CLMP: variants seen among roughly 807,000 people sequenced by gnomAD.
CLMP encodes CXADR like cell adhesion molecule.
Under a neutral mutation model 45.2 loss-of-function variants are expected in CLMP, and 27 were observed. That is an observed-to-expected ratio of 0.60 (90% confidence interval 0.44 to 0.82). The LOEUF (loss-of-function observed/expected upper bound fraction) is 0.82, where lower values mean the gene tolerates loss of function less well. Ranked by LOEUF, CLMP falls within the 40% of genes least tolerant of loss-of-function variation. The pLI is 0.00. For synonymous variants in CLMP, 167 were observed against 171.4 expected, an observed-to-expected ratio of 0.97 and a Z score of 0.20; for missense variants, 403 against 448.4, an observed-to-expected ratio of 0.90 and a Z score of 0.91.
intron 1 of CLMP, among the ~76,000 whole-genome samples, chr11:123,175,274 AG>A (rs1397664117): frequency 6.6e-6 from 1 of 152,176 alleles, no homozygotes; most frequent in African/African-American, 2.4e-5. Context: ...TCACGGTGGA[AG>A]GGGAAGCAGA....
chr11:123,177,533 C>G (rs1861715277), intron 1 of CLMP, among the ~76,000 whole-genome samples: 1 of 152,118 alleles, frequency 6.6e-6, no homozygotes, highest in South Asian at 2.1e-4. Flanking sequence ...CTGAAGAAGC[C>G]AAACAGGGCT....
chr11:123,190,146 T>A (rs1861889625), intron 1 of CLMP, among the ~76,000 whole-genome samples: 1 of 152,126 alleles, frequency 6.6e-6, no homozygotes, highest in Middle Eastern at 3.2e-3. Flanking sequence ...TTTTGGTGAG[T>A]ATTTCAGTTA....
intron 1 of CLMP, among the ~76,000 whole-genome samples, chr11:123,161,286 CT>C (rs1861484076): frequency 1.3e-5 from 2 of 152,122 alleles, no homozygotes; most frequent in Non-Finnish European, 2.9e-5. Flanking sequence ...ATAATTTAAC[CT>C]GTTAAATATG....
At chr11:123,115,328 T>A (rs1372502544) in intron 1 of CLMP, among the ~76,000 whole-genome samples, 1 of 152,142 alleles carries the variant, frequency 6.6e-6, no homozygotes, top group Non-Finnish European at 1.5e-5. Flanking sequence ...ATTACAGGTG[T>A]GAGCCACTGC....
chr11:123,088,456 C>T lies in CLMP; in HGVS notation c.187-3743G>A, dbSNP rs529835369. 4.6e-5 allele frequency among the ~76,000 whole-genome samples: 7 copies of T among 152,264 alleles called. No homozygotes were observed. The South Asian group carries it at 1.0e-3, about 23-fold the overall frequency. ...GATTTGTCCATATTTCCCCCAGATG[C>T]ATAATCACCTACAATGAAGTCAGTT... On this transcript the variant is annotated intron_variant, in intron 2 of 6. Transcript: ENST00000448775.
At chr11:123,183,162 G>C (rs1419320615) in intron 1 of CLMP, among the ~76,000 whole-genome samples, 2 of 152,162 alleles carry the variant, frequency 1.3e-5, no homozygotes, top group Non-Finnish European at 2.9e-5. Context: ...GAGTTAGTGG[G>C]TCTGAGATTC....
chr11:123,150,938 A>G (rs887825602), intron 1 of CLMP, among the ~76,000 whole-genome samples: 2 of 152,120 alleles, frequency 1.3e-5, no homozygotes, highest in Non-Finnish European at 2.9e-5. Context: ...CCTGGCCTCA[A>G]GTGATCTGCC....
chr11:123,176,554 TC>T (rs1425879349), intron 1 of CLMP, among the ~76,000 whole-genome samples: 2 of 152,198 alleles, frequency 1.3e-5, no homozygotes, highest in African/African-American at 4.8e-5. Flanking sequence ...TTGCTGAGAT[TC>T]CACCCCCATG....
intron 1 of CLMP, among the ~76,000 whole-genome samples, chr11:123,107,232 ATT>A (rs1023456275): frequency 1.4e-5 from 2 of 143,914 alleles, no homozygotes; most frequent in Non-Finnish European, 1.5e-5. Context: ...GGCTAATGAA[ATT>A]TTTTTTTTTT....
chr11:123,145,436 G>A (rs2135520405), intron 1 of CLMP, among the ~76,000 whole-genome samples: 1 of 147,328 alleles, frequency 6.8e-6, no homozygotes, highest in East Asian at 2.0e-4. Flanking sequence ...CCATGAGTGG[G>A]TTCAGCTCTG....
intron 5 of CLMP, among the ~76,000 whole-genome samples, chr11:123,082,288 T>C (rs2135467174): frequency 6.6e-6 from 1 of 152,370 alleles, no homozygotes; most frequent in East Asian, 1.9e-4. Flanking sequence ...ATTCACATGT[T>C]TGTAAATACA....
intron 1 of CLMP, among the ~76,000 whole-genome samples, chr11:123,152,658 G>A (rs1464914147): frequency 6.6e-6 from 1 of 152,076 alleles, no homozygotes; most frequent in Non-Finnish European, 1.5e-5. Context: ...CCAGAATTGT[G>A]AGAAAATACA....
At chr11:123,168,150 T>C (rs1412480069) in intron 1 of CLMP, among the ~76,000 whole-genome samples, 3 of 152,084 alleles carry the variant, frequency 2.0e-5, no homozygotes, top group African/African-American at 4.8e-5. Flanking sequence ...GCCACCATCA[T>C]TTCCTTTTCC....
At chr11:123,086,211 A>G (rs953722541) in intron 2 of CLMP, among the ~76,000 whole-genome samples, 4 of 152,162 alleles carry the variant, frequency 2.6e-5, no homozygotes, top group East Asian at 1.9e-4. Context: ...TGCGCCTGGC[A>G]AATCTCTTCT....
chr11:123,083,017 G>A, intron 5 of CLMP, 68 bp downstream of exon 5: 1 of 1,577,804 alleles, frequency 6.3e-7, no homozygotes, highest in Non-Finnish European at 8.7e-7. Flanking sequence ...TGATTAGAAT[G>A]TCTTAACATT....
At chr11:123,152,923 C>T (rs556504842) in intron 1 of CLMP, among the ~76,000 whole-genome samples, 5 of 152,048 alleles carry the variant, frequency 3.3e-5, no homozygotes, top group South Asian at 2.1e-4. Flanking sequence ...AGGTTGTGTG[C>T]GTAATATCTG....
intron 1 of CLMP, among the ~76,000 whole-genome samples, chr11:123,137,850 A>T (rs1861101267): frequency 6.6e-6 from 1 of 152,162 alleles, no homozygotes; most frequent in South Asian, 2.1e-4. Context: ...CGACCCAGAC[A>T]CCAGGGGACT....
At chr11:123,175,405 C>CAA (rs1861685869) in intron 1 of CLMP, among the ~76,000 whole-genome samples, 1 of 150,096 alleles carries the variant, frequency 6.7e-6, no homozygotes, top group African/African-American at 2.5e-5. Flanking sequence ...GGGAACCACC[C>CAA]CATGATCCAG....
intron 1 of CLMP, among the ~76,000 whole-genome samples, chr11:123,103,778 TTTTTC>T (rs550630437): frequency 6.6e-5 from 10 of 152,054 alleles, no homozygotes; most frequent in Admixed American, 1.3e-4. Flanking sequence ...TCTGTACTTT[TTTTTC>T]TTTTCTTTTT....
Sources: gnomAD v4.1 joint callset for allele counts (sites outside exome capture counted in the v4.1 genomes callset) on GRCh38, gnomAD v4.1.1 for gene constraint, MANE v1.5 for transcripts, NCBI Gene and HGNC (gene_info 2026-07-23, HGNC 2026-07-21) for gene names.